NEBL: variants seen among roughly 807,000 people sequenced by gnomAD.
The protein encoded by NEBL is nebulette.
In NEBL, 122 loss-of-function variants were observed where a neutral mutation model predicts 140.2. The ratio of observed to expected loss-of-function variants is 0.87; its 90% CI spans 0.75 to 1.01. The LOEUF is 1.01. Ranked by LOEUF, NEBL falls within the 50% of genes least tolerant of loss-of-function variation. The pLI is 0.00. For synonymous variants in NEBL, 436 were observed against 398.9 expected, an observed-to-expected ratio of 1.09 and a Z score of -1.11; for missense variants, 1,365 against 1,231.3, an observed-to-expected ratio of 1.11 and a Z score of -1.62.
chr10:20,843,343 TATAGCAGCCAGAACAG>T lies in NEBL; in HGVS notation c.1227+1899_1227+1914del, dbSNP rs558574964. Reference sequence around the variant, plus strand: ...AGCCACTTAGTCTGTGGTATTTTGTTATAGCAGCCAGAACAGACCAATACAATACAGTGTTCTGAGC... The same window carrying T: ...AGCCACTTAGTCTGTGGTATTTTGTTACCAATACAATACAGTGTTCTGAGC... On this transcript the variant is annotated intron_variant, in intron 12 of 27. Coordinates refer to ENST00000377122, the MANE Select transcript of NEBL (RefSeq NM_006393.3). 3.7e-3 allele frequency among the ~76,000 whole-genome samples: 561 copies of T among 152,154 alleles called. 5 individuals are homozygous for T. Among genetic ancestry groups the T allele is most frequent in the African/African-American group, 0.013 (519 of 41,482 alleles).
chr10:21,043,417 G>C (rs2131835800), intron 2 of NEBL, among the ~76,000 whole-genome samples: 1 of 152,174 alleles, frequency 6.6e-6, no homozygotes, highest in East Asian at 1.9e-4. Context: ...ACAATAAACA[G>C]GATAATTAGC....
chr10:21,241,973 GTGTGGATCTCT>G (rs1842445520), intron 3 of NEBL, among the ~76,000 whole-genome samples: 1 of 152,178 alleles, frequency 6.6e-6, no homozygotes, highest in South Asian at 2.1e-4. Flanking sequence ...AGGCTGAGGT[GTGTGGATCTCT>G]TGAGCCCAGG....
At chr10:20,831,889 T>C (rs1259054065) in intron 14 of NEBL, among the ~76,000 whole-genome samples, 2 of 152,162 alleles carry the variant, frequency 1.3e-5, no homozygotes, top group Admixed American at 6.5e-5. Context: ...GGGTCATATA[T>C]GGCTTAGTTA....
chr10:21,180,286 A>T (rs960945840), intron 3 of NEBL, among the ~76,000 whole-genome samples: 1 of 151,954 alleles, frequency 6.6e-6, no homozygotes, highest in South Asian at 2.1e-4. Flanking sequence ...AAACTAATAC[A>T]CCCTCTCTGT....
intron 3 of NEBL, among the ~76,000 whole-genome samples, chr10:20,994,541 G>T (rs1177200626): frequency 1.3e-5 from 2 of 152,088 alleles, no homozygotes; most frequent in Non-Finnish European, 2.9e-5. Context: ...AATATAAAAA[G>T]CCAACAGTTG....
intron 5 of NEBL, among the ~76,000 whole-genome samples, chr10:20,876,562 A>C (rs1009586898): frequency 5.9e-5 from 9 of 152,166 alleles, no homozygotes; most frequent in African/African-American, 1.7e-4. Context: ...TAATTTTAAG[A>C]AAGTACATAT....
chr10:21,214,396 A>C (rs960153976), intron 3 of NEBL, among the ~76,000 whole-genome samples: 2 of 152,206 alleles, frequency 1.3e-5, no homozygotes, highest in Non-Finnish European at 2.9e-5. Context: ...GAAGGAAAGA[A>C]ACAAGAAGAG....
intron 2 of NEBL, chr10:21,112,802 G>C (rs7083474): frequency 0.12 from 24,018 of 201,618 alleles, 1,568 homozygotes; most frequent in African/African-American, 0.15. Flanking sequence ...GATTTCCCTT[G>C]GGGGCTTTGA....
chr10:20,817,513 A>G, intron 21 of NEBL, 87 bp downstream of exon 21: 1 of 1,127,566 alleles, frequency 8.9e-7, no homozygotes, highest in Non-Finnish European at 1.4e-6. Context: ...GCTCAAGGTT[A>G]TGAAAATTCT....
chr10:20,928,802 G>T (rs994365464), intron 4 of NEBL, among the ~76,000 whole-genome samples: 1 of 151,994 alleles, frequency 6.6e-6, no homozygotes, highest in Admixed American at 6.6e-5. Context: ...TTCCATCAAC[G>T]TTAATTAAAG....
upstream of NEBL, among the ~76,000 whole-genome samples, chr10:20,901,470 T>C (rs921115875): frequency 6.6e-6 from 1 of 152,108 alleles, no homozygotes; most frequent in African/African-American, 2.4e-5. Flanking sequence ...TTTTTCTCCT[T>C]TTTTTCATAA....
chr10:20,941,692 C>T (rs964955802), intron 4 of NEBL, among the ~76,000 whole-genome samples: 1 of 151,894 alleles, frequency 6.6e-6, no homozygotes, highest in African/African-American at 2.4e-5. Context: ...ACCCCATCGT[C>T]TCAGCCCAAA....
chr10:21,128,409 C>A (rs1012169655), intron 2 of NEBL, among the ~76,000 whole-genome samples: 38 of 151,926 alleles, frequency 2.5e-4, no homozygotes, highest in Admixed American at 1.3e-3. Context: ...ACACACACAC[C>A]CCCAAGAGCA....
At chr10:20,831,748 C>T (rs1356527033) in intron 14 of NEBL, among the ~76,000 whole-genome samples, 165 bp from the exon 15 acceptor site, 2 of 151,690 alleles carry the variant, frequency 1.3e-5, no homozygotes, top group Admixed American at 6.6e-5. Context: ...GGTAGGAATA[C>T]GACTTAGTAT....
At chr10:21,288,820 G>GTGTGTATATATATATATATATA (rs1477748950) in intron 1 of NEBL, among the ~76,000 whole-genome samples, 14 of 35,012 alleles carry the variant, frequency 4.0e-4, no homozygotes, top group African/African-American at 1.4e-3. Flanking sequence ...GTGTGTGTGT[G>GTGTGTATATATATATATATATA]TATATATATA....
chr10:21,283,240 A>G (rs551609132), intron 1 of NEBL, among the ~76,000 whole-genome samples: 2 of 152,214 alleles, frequency 1.3e-5, no homozygotes, highest in South Asian at 4.1e-4. Context: ...CTACATTCCC[A>G]TTAGCGCCAT....
intron 3 of NEBL, among the ~76,000 whole-genome samples, chr10:21,010,733 G>A (rs1212275057): frequency 6.6e-6 from 1 of 152,226 alleles, no homozygotes; most frequent in Non-Finnish European, 1.5e-5. Context: ...TAATTAGGAA[G>A]TCATGTAACA....
At chr10:21,182,050 A>G (rs1841397171) in intron 3 of NEBL, among the ~76,000 whole-genome samples, 1 of 152,218 alleles carries the variant, frequency 6.6e-6, no homozygotes. Flanking sequence ...CCAGAATATT[A>G]AGGGAAACTC....
In NEBL at chr10:21,061,875, A is replaced by C. The variant is rs542141467; in HGVS notation, c.165-41674T>G. ...ACTTAAAGCTACAACACTGTCCTAG[A>C]GACAATAATTTGTACATTGCTGCAC... On this transcript the variant is annotated intron_variant, in intron 2 of 6. Transcript: ENST00000417816. 8.5e-5 allele frequency among the ~76,000 whole-genome samples: 13 copies of C among 152,300 alleles called. No homozygotes were observed. The South Asian group carries it at 2.3e-3, about 27-fold the overall frequency.
Sources: gnomAD v4.1 joint callset for allele counts (sites outside exome capture counted in the v4.1 genomes callset) on GRCh38, gnomAD v4.1.1 for gene constraint, MANE v1.5 for transcripts, NCBI Gene and HGNC (gene_info 2026-07-23, HGNC 2026-07-21) for gene names.